Variants in ROCK1 observed in about 807,000 individuals in gnomAD.
The protein encoded by ROCK1 is Rho associated coiled-coil containing protein kinase 1.
A neutral mutation model predicts 196.8 loss-of-function variants in ROCK1; 36 were observed. That is an observed-to-expected ratio of 0.18 (90% CI 0.14 to 0.24). The LOEUF (loss-of-function observed/expected upper bound fraction) is 0.24, where lower values mean the gene tolerates loss of function less well. Among genes scored for constraint, ROCK1 ranks in the 10% least tolerant of loss-of-function variants. The pLI is 1.00. For synonymous variants in ROCK1, 443 were observed against 515.9 expected (o/e 0.86, Z 1.91); for missense variants, 920 against 1,562.0 (o/e 0.59, Z 6.93).
intron 9 of ROCK1, among the ~76,000 whole-genome samples, chr18:21,038,846 T>A (rs1418603731): frequency 2.6e-5 from 4 of 152,212 alleles, no homozygotes; most frequent in Non-Finnish European, 5.9e-5. Flanking sequence ...GTCATGATAA[T>A]TTTGATTCAG....
At chr18:21,085,904 C>T (rs2036522594) in intron 1 of ROCK1, among the ~76,000 whole-genome samples, 1 of 152,102 alleles carries the variant, frequency 6.6e-6, no homozygotes, top group Non-Finnish European at 1.5e-5. Context: ...AGGATTTCCT[C>T]CCTACTGCCT....
intron 1 of ROCK1, among the ~76,000 whole-genome samples, chr18:21,106,956 G>A (rs1354727499): frequency 1.3e-5 from 2 of 152,126 alleles, no homozygotes; most frequent in Admixed American, 6.6e-5. Context: ...AACTAGAAGT[G>A]TTTCAGACTG....
At chr18:21,062,039 T>C (rs1006291945) in intron 2 of ROCK1, among the ~76,000 whole-genome samples, 1 of 152,198 alleles carries the variant, frequency 6.6e-6, no homozygotes, top group Non-Finnish European at 1.5e-5. Flanking sequence ...GTTATGTGTA[T>C]AGTCACAGGC....
intron 16 of ROCK1, among the ~76,000 whole-genome samples, chr18:21,003,332 G>A (rs1244305979): frequency 1.3e-5 from 2 of 152,028 alleles, no homozygotes; most frequent in Admixed American, 1.3e-4. Context: ...CTTAAGGGAC[G>A]TATTAATGAA....
intron 27 of ROCK1, 129 bp from the exon 28 acceptor site, chr18:20,960,335 C>G (rs1352599150): frequency 1.1e-5 from 7 of 614,846 alleles, no homozygotes; most frequent in Non-Finnish European, 2.0e-5. Flanking sequence ...CTATAATTTG[C>G]TCTTCCATGC....
intron 21 of ROCK1, among the ~76,000 whole-genome samples, chr18:20,981,752 G>A (rs2035535423): frequency 6.6e-6 from 1 of 152,092 alleles, no homozygotes; most frequent in Non-Finnish European, 1.5e-5. Flanking sequence ...CCATGGGAAT[G>A]CAAATGAAAA....
In ROCK1 at chr18:20,948,391, GA is replaced by G. The variant is rs1372809792; in HGVS notation, c.*2992del. On this transcript the variant is annotated 3_prime_UTR_variant, in exon 33 of 33. Transcript: ENST00000399799. ...GATCTCTACCTCACTCTGAATTCCA[GA>G]TTGATTATAGAACTGTGAAAGTTAA... 4.6e-5 allele frequency: 7 copies of G among 151,212 alleles called. No homozygotes were observed. Among genetic ancestry groups the G allele is most frequent in the Non-Finnish European group, 1.0e-4 (7 of 68,020 alleles). The allele number at this position is 151,212 out of a possible 1,614,324, so 9.4% of individuals were successfully genotyped here.
intron 3 of ROCK1, among the ~76,000 whole-genome samples, 183 bp downstream of exon 3, chr18:21,049,597 G>T (rs979413551): frequency 7.9e-5 from 12 of 152,172 alleles, no homozygotes; most frequent in Non-Finnish European, 1.6e-4. Flanking sequence ...GATACTTGGG[G>T]AAAACACTTC....
chr18:20,954,505 G>A (rs1372809572), intron 31 of ROCK1, among the ~76,000 whole-genome samples: 2 of 152,122 alleles, frequency 1.3e-5, no homozygotes, highest in Non-Finnish European at 2.9e-5. Context: ...GAACCTGGGA[G>A]GCAGAGGCTG....
chr18:21,010,998 GCTTT>G (rs2035811991), intron 13 of ROCK1, among the ~76,000 whole-genome samples: 2 of 152,016 alleles, frequency 1.3e-5, no homozygotes, highest in Non-Finnish European at 2.9e-5. Flanking sequence ...CCAATATGCT[GCTTT>G]CTTTTTAATA....
intron 8 of ROCK1, among the ~76,000 whole-genome samples, 171 bp downstream of exon 8, chr18:21,041,926 G>A (rs1436355096): frequency 2.0e-5 from 3 of 152,066 alleles, no homozygotes; most frequent in Non-Finnish European, 4.4e-5. Flanking sequence ...GGTATGATAA[G>A]TGAGTTGAGA....
intron 25 of ROCK1, among the ~76,000 whole-genome samples, chr18:20,968,251 A>G (rs1181129577): frequency 3.3e-5 from 5 of 152,128 alleles, no homozygotes; most frequent in African/African-American, 1.2e-4. Context: ...ACATACTCTT[A>G]TCTTCTACAA....
Position 21,018,950 on chromosome 18 carries a change from T to A in ROCK1, c.1361+1201A>T, listed in dbSNP as rs997332222. Among the ~76,000 whole-genome samples, 9 of 152,184 alleles carry A rather than the reference T, an allele frequency of 5.9e-5. 1 individual carries two copies. The highest frequency in any genetic ancestry group is 2.2e-4 in the African/African-American group (9 of 41,436). On this transcript the variant is annotated intron_variant, in intron 12 of 32. Coordinates refer to ENST00000399799, the MANE Select transcript of ROCK1 (RefSeq NM_005406.3). ...TATGCTAGGTAATTTAAAATAAACG[T>A]GAGCATAACTCAAAGATATTTTTTC... is the stretch of plus-strand genomic sequence containing the variant.
chr18:21,027,750 ATTTTTTTTTTTTTTTT>A (rs751964514), intron 10 of ROCK1, among the ~76,000 whole-genome samples: 7 of 95,290 alleles, frequency 7.3e-5, no homozygotes, highest in African/African-American at 1.6e-4. Flanking sequence ...GAATCACTTA[ATTTTTTTTTTTTTTTT>A]TTTTTTTTTT....
chr18:21,081,144 A>G (rs1036597581), intron 1 of ROCK1, among the ~76,000 whole-genome samples: 9 of 152,198 alleles, frequency 5.9e-5, no homozygotes, highest in Non-Finnish European at 1.3e-4. Context: ...AATAACTTTT[A>G]AAAGACCAAA....
chr18:20,990,693 C>G (rs1174788183), intron 18 of ROCK1, among the ~76,000 whole-genome samples: 4 of 22,584 alleles, frequency 1.8e-4, no homozygotes, highest in Non-Finnish European at 3.5e-4. Context: ...AACTTCGTCT[C>G]AAAAAAAAAA....
intron 8 of ROCK1, 49 bp downstream of exon 8, chr18:21,042,048 G>C (rs200333643): frequency 6.5e-7 from 1 of 1,539,124 alleles, no homozygotes; most frequent in Admixed American, 2.1e-5. Flanking sequence ...TGGAGCAGAA[G>C]ATGAGAAGTC....
intron 13 of ROCK1, among the ~76,000 whole-genome samples, chr18:21,013,526 T>C (rs1328848768): frequency 6.6e-6 from 1 of 152,186 alleles, no homozygotes; most frequent in East Asian, 1.9e-4. Context: ...GTCTCTTTGA[T>C]ACCAACCCAG....
At chr18:21,028,339 C>T (rs1156293778) in intron 10 of ROCK1, among the ~76,000 whole-genome samples, 4 of 151,690 alleles carry the variant, frequency 2.6e-5, no homozygotes, top group African/African-American at 9.7e-5. Context: ...CTGCTTGAAC[C>T]CAGGAGGTGG....
Sources: allele counts gnomAD v4.1 joint callset (sites outside exome capture counted in the v4.1 genomes callset), GRCh38; gene constraint gnomAD v4.1.1; transcripts MANE v1.5; gene names NCBI Gene and HGNC (gene_info 2026-07-23, HGNC 2026-07-21).